The following HIPK2 variants were observed in gnomAD, a reference collection of about 807,000 sequenced individuals.
The protein encoded by HIPK2 is homeodomain-interacting protein kinase 2.
HIPK2 carries 27 observed loss-of-function variants against 113.7 expected under a neutral mutation model. The observed-to-expected ratio is 0.24, with a 90% CI of 0.17 to 0.33. The LOEUF is 0.33. HIPK2 is among the 10% of genes least tolerant of loss of function. HIPK2 has a pLI of 1.00. For missense variants in HIPK2, 1,257 were observed against 1,588.0 expected (o/e 0.79, Z 3.54); for synonymous variants, 631 against 642.2 (o/e 0.98, Z 0.26).
intron 2 of HIPK2, among the ~76,000 whole-genome samples, chr7:139,642,066 G>C (rs1290163087): frequency 6.6e-6 from 1 of 152,152 alleles, no homozygotes; most frequent in Non-Finnish European, 1.5e-5. Context: ...TTAGTCCATG[G>C]TATTTTATAA....
At chr7:139,724,528 C>T (rs2116994761) in intron 1 of HIPK2, among the ~76,000 whole-genome samples, 1 of 151,456 alleles carries the variant, frequency 6.6e-6, no homozygotes, top group East Asian at 1.9e-4. Context: ...CTACAGAATT[C>T]TTTTTTTTTA....
intron 6 of HIPK2, among the ~76,000 whole-genome samples, chr7:139,622,482 C>T (rs932332779): frequency 5.3e-5 from 8 of 152,040 alleles, no homozygotes; most frequent in Non-Finnish European, 8.8e-5. Context: ...ATTTCCATAC[C>T]CCTTCAGAAT....
chr7:139,605,826 A>G (rs1396126943), intron 9 of HIPK2, among the ~76,000 whole-genome samples: 1 of 152,238 alleles, frequency 6.6e-6, no homozygotes, highest in Non-Finnish European at 1.5e-5. Context: ...AGTTAATTGT[A>G]TTTCAGGTTT....
At chr7:139,733,977 G>A (rs1176936103) in intron 1 of HIPK2, among the ~76,000 whole-genome samples, 4 of 152,174 alleles carry the variant, frequency 2.6e-5, no homozygotes, top group Non-Finnish European at 1.5e-5. Flanking sequence ...GCGCAAGTGT[G>A]AAGCAAACCT....
intron 10 of HIPK2, among the ~76,000 whole-genome samples, chr7:139,600,843 G>A (rs1335446868): frequency 6.6e-6 from 1 of 152,190 alleles, no homozygotes; most frequent in Non-Finnish European, 1.5e-5. Context: ...AGAATGCCAA[G>A]TACACCGGCT....
intron 1 of HIPK2, among the ~76,000 whole-genome samples, chr7:139,736,841 C>T (rs1011551539): frequency 1.3e-5 from 2 of 152,168 alleles, no homozygotes; most frequent in Non-Finnish European, 2.9e-5. Context: ...TTCCTTCCAA[C>T]GGCTGGATGC....
At chr7:139,686,210 T>C (rs925641033) in intron 2 of HIPK2, among the ~76,000 whole-genome samples, 1 of 152,050 alleles carries the variant, frequency 6.6e-6, no homozygotes, top group African/African-American at 2.4e-5. Flanking sequence ...GAGGTAGAAA[T>C]AGGAAGAGAA....
intron 2 of HIPK2, among the ~76,000 whole-genome samples, chr7:139,637,688 T>G (rs1800858477): frequency 6.6e-6 from 1 of 152,248 alleles, no homozygotes; most frequent in Non-Finnish European, 1.5e-5. Context: ...AGGCATTCGG[T>G]AGCCACTCAT....
rs1798105314 is a variant in HIPK2, at chr7:139,566,844, C to T, written c.*6083G>A. On this transcript the variant is annotated 3_prime_UTR_variant, in exon 15 of 15. Coordinates refer to ENST00000406875, the MANE Select transcript of HIPK2 (RefSeq NM_022740.5). This position sits in a 1 kb window ranked among gnomAD's most constrained non-coding sequence, Gnocchi z 4.1. Reference sequence around the variant, plus strand: ...CAACACAGGGATCTGAGATGAGGGGCTCCCAGAGGCTTGGGCAAGTCCAGC... The same window carrying T: ...CAACACAGGGATCTGAGATGAGGGGTTCCCAGAGGCTTGGGCAAGTCCAGC... 6.6e-6 allele frequency: 1 copy of T among 152,258 alleles called. No individual in the cohort carries two copies. Among genetic ancestry groups the T allele is most frequent in the African/African-American group, 2.4e-5 (1 of 41,470 alleles). 9.4% of individuals were successfully genotyped at this position (152,258 alleles called of 1,614,324 possible).
chr7:139,709,704 GACTCAATGGA>G (rs1234323962), intron 2 of HIPK2, among the ~76,000 whole-genome samples: 2 of 152,166 alleles, frequency 1.3e-5, no homozygotes, highest in Non-Finnish European at 2.9e-5. Flanking sequence ...TACTGACCGT[GACTCAATGGA>G]ACACAGCTTG....
In HIPK2 at chr7:139,571,874, C is replaced by A. The variant is rs985707623; in HGVS notation, c.*1053G>T. 12 of 152,210 alleles carry A rather than the reference C, an allele frequency of 7.9e-5. No individual in the cohort carries two copies. Among genetic ancestry groups the A allele is most frequent in the African/African-American group, 2.9e-4 (12 of 41,458 alleles). The allele number at this position is 152,210 out of a possible 1,614,324, so 9.4% of individuals were successfully genotyped here. A position where few individuals can be genotyped will look rare whatever the true frequency, so the allele number is the denominator to read the frequency against. The stretch of plus-strand genomic sequence containing the variant: ...CGAGGGCCACGCGGGGAGGGCGGCG[C>A]GTGCACACCCACACGTGCTCGCTCA... On this transcript the variant is annotated 3_prime_UTR_variant, in exon 15 of 15. Coordinates refer to ENST00000406875, the MANE Select transcript of HIPK2 (RefSeq NM_022740.5).
Position 139,565,727 on chromosome 7 carries a change from CTTTT to C in HIPK2, c.*7196_*7199del, listed in dbSNP as rs1436278377. 1.1e-5 allele frequency: 1 copy of C among 90,572 alleles called. No individual in the cohort carries two copies. Among genetic ancestry groups the C allele is most frequent in the African/African-American group, 4.2e-5 (1 of 24,084 alleles). The allele number at this position is 90,572 out of a possible 1,614,324, so 5.6% of individuals were successfully genotyped here. ...TTCTTTTTTTTTTTCTTTTTTTTTT[CTTTT>C]TTTTAACAGAAAGAAAAAAGTTCCT... On this transcript the variant is annotated 3_prime_UTR_variant, in exon 15 of 15. Coordinates refer to ENST00000406875, the MANE Select transcript of HIPK2 (RefSeq NM_022740.5).
chr7:139,668,989 C>T (rs1239179537), intron 2 of HIPK2, among the ~76,000 whole-genome samples: 1 of 152,250 alleles, frequency 6.6e-6, no homozygotes, highest in Non-Finnish European at 1.5e-5. Flanking sequence ...GGAAGGATCA[C>T]TTTAACCTGT....
intron 1 of HIPK2, among the ~76,000 whole-genome samples, chr7:139,738,221 T>A (rs1795994254): frequency 6.6e-6 from 1 of 152,356 alleles, no homozygotes; most frequent in African/African-American, 2.4e-5. Flanking sequence ...GTGGCTCAGA[T>A]AAAAATATTG....
Position 139,631,508 on chromosome 7 carries a change from C to G in HIPK2, c.1227+94G>C. On this transcript the variant is annotated intron_variant, in intron 3 of 14. Coordinates refer to ENST00000406875, the MANE Select transcript of HIPK2 (RefSeq NM_022740.5). This position sits in a 1 kb window ranked among gnomAD's most constrained non-coding sequence, Gnocchi z 4.9. ...GAGACAACGTGACATTCCACAGTCCCGCCCATTTGTCATGTAATCAATGAA... is the reference window on the plus strand; with the variant it reads ...GAGACAACGTGACATTCCACAGTCCGGCCCATTTGTCATGTAATCAATGAA... 1 of 1,539,226 alleles carries G rather than the reference C, an allele frequency of 6.5e-7. No homozygotes were observed. Among genetic ancestry groups the G allele is most frequent in the Non-Finnish European group, 8.8e-7 (1 of 1,141,476 alleles).
chr7:139,742,091 G>A (rs1796112450), intron 1 of HIPK2, among the ~76,000 whole-genome samples: 1 of 152,148 alleles, frequency 6.6e-6, no homozygotes, highest in South Asian at 2.1e-4. Flanking sequence ...TTTTCCATTA[G>A]GAATGTAAAT....
At chr7:139,688,340 C>T (rs1585381050) in intron 2 of HIPK2, among the ~76,000 whole-genome samples, 1 of 152,238 alleles carries the variant, frequency 6.6e-6, no homozygotes, top group South Asian at 2.1e-4. Context: ...AAACTCCTCT[C>T]CTTACCGCTC....
Position 139,657,416 on chromosome 7 carries a change from T to C in HIPK2, c.1104-25691A>G, listed in dbSNP as rs183808278. ...ACCTCGTCCATTCGATTTTTCACTG[T>C]ATTGGTCCCAAATCCCCAGGCCTTA... On this transcript the variant is annotated intron_variant, in intron 2 of 14. Transcript: ENST00000406875. 5.9e-5 allele frequency among the ~76,000 whole-genome samples: 9 copies of C among 152,336 alleles called. No homozygotes were observed. In the East Asian group the frequency reaches 7.7e-4, roughly 13 times the overall value.
At chr7:139,685,667 A>G (rs1409864983) in intron 2 of HIPK2, among the ~76,000 whole-genome samples, 1 of 152,224 alleles carries the variant, frequency 6.6e-6, no homozygotes, top group African/African-American at 2.4e-5. Flanking sequence ...GTCCTTAAGA[A>G]TTGTGCTAAA....
Sources: allele counts gnomAD v4.1 joint callset (sites outside exome capture counted in the v4.1 genomes callset), GRCh38; gene constraint gnomAD v4.1.1; non-coding constraint Gnocchi (gnomAD v3.1); transcripts MANE v1.5; gene names NCBI Gene and HGNC (gene_info 2026-07-23, HGNC 2026-07-21).